Variants in ST3GAL3 observed in about 807,000 individuals in gnomAD.
The protein encoded by ST3GAL3 is CMP-N-acetylneuraminate-beta-1,4-galactoside alpha-2,3-sialyltransferase.
Under a neutral mutation model 50.1 loss-of-function variants are expected in ST3GAL3, and 21 were observed. The observed-to-expected ratio is 0.42, with a 90% CI of 0.30 to 0.60. The LOEUF (loss-of-function observed/expected upper bound fraction) is 0.60, where lower values mean the gene tolerates loss of function less well. Ranked by LOEUF, ST3GAL3 falls within the 20% of genes least tolerant of loss-of-function variation. The probability of loss-of-function intolerance (pLI) is 0.19; values close to 1 mark genes in which losing one functional copy is unlikely to be tolerated. For missense variants in ST3GAL3, 353 were observed against 489.4 expected (o/e 0.72, Z 2.63); for synonymous variants, 183 against 190.0 (o/e 0.96, Z 0.30).
intron 2 of ST3GAL3, among the ~76,000 whole-genome samples, chr1:43,750,449 A>G (rs1235426061): frequency 6.6e-6 from 1 of 152,230 alleles, no homozygotes; most frequent in Non-Finnish European, 1.5e-5. Flanking sequence ...AAACAAATAT[A>G]CACCTTAGAC....
chr1:43,860,167 G>A (rs975037725), intron 5 of ST3GAL3, among the ~76,000 whole-genome samples: 1 of 152,194 alleles, frequency 6.6e-6, no homozygotes, highest in Non-Finnish European at 1.5e-5. Flanking sequence ...TGGGCCTCCT[G>A]ATGGAAAGAA....
chr1:43,765,766 TGTGTGTGTGTGTGTGTGTGCGC>T (rs1435396298), intron 2 of ST3GAL3, among the ~76,000 whole-genome samples: 4 of 140,914 alleles, frequency 2.8e-5, no homozygotes, highest in African/African-American at 3.0e-5. Context: ...TGTGTGTGTG[TGTGTGTGTGTGTGTGTGTGCGC>T]GCGCGCGCGC....
chr1:43,920,353 C>T (rs775533381), intron 9 of ST3GAL3, 51 bp from the exon 10 acceptor site: 33 of 1,613,260 alleles, frequency 2.0e-5, no homozygotes, highest in Non-Finnish European at 2.6e-5. Context: ...CTCCCCTAGG[C>T]TCATCCCTTG....
intron 2 of ST3GAL3, chr1:43,738,109 AAGAG>A (rs944056902): frequency 2.0e-5 from 3 of 152,186 alleles, no homozygotes; most frequent in Non-Finnish European, 4.4e-5. Flanking sequence ...ACCTGGTAAA[AAGAG>A]AGAGAGAAAG....
At chr1:43,759,263 G>T (rs929760621) in intron 2 of ST3GAL3, among the ~76,000 whole-genome samples, 1 of 151,218 alleles carries the variant, frequency 6.6e-6, no homozygotes, top group East Asian at 2.0e-4. Flanking sequence ...GGCCAACATG[G>T]TGAAACTCCA....
At chr1:43,748,131 T>A (rs546735708) in intron 2 of ST3GAL3, among the ~76,000 whole-genome samples, 67 of 152,214 alleles carry the variant, frequency 4.4e-4, no homozygotes, top group African/African-American at 1.4e-3. Context: ...AAACCAAATA[T>A]ATATTTCTTA....
intron 5 of ST3GAL3, among the ~76,000 whole-genome samples, chr1:43,849,435 T>TA (rs1433229633): frequency 6.6e-6 from 1 of 152,206 alleles, no homozygotes; most frequent in Non-Finnish European, 1.5e-5. Context: ...TTTAAGAAAT[T>TA]AGTTTGAGTT....
intron 2 of ST3GAL3, among the ~76,000 whole-genome samples, chr1:43,788,015 A>G (rs1347919246): frequency 1.3e-5 from 2 of 152,234 alleles, no homozygotes. Context: ...CATTGGTACC[A>G]GTGAGTTGGA....
intron 2 of ST3GAL3, among the ~76,000 whole-genome samples, chr1:43,791,523 T>C (rs929569237): frequency 1.3e-5 from 2 of 152,242 alleles, no homozygotes; most frequent in South Asian, 4.1e-4. Flanking sequence ...CAGGCCCTGA[T>C]TCTGCCTGCG....
At chr1:43,917,625 T>TATATAATATATA (rs57574711) in intron 9 of ST3GAL3, among the ~76,000 whole-genome samples, 5 of 68,150 alleles carry the variant, frequency 7.3e-5, no homozygotes, top group Admixed American at 5.6e-4. Flanking sequence ...TATTATATTA[T>TATATAATATATA]ATATAATATA....
At chr1:43,786,091 C>T (rs1231703845) in intron 2 of ST3GAL3, among the ~76,000 whole-genome samples, 3 of 152,090 alleles carry the variant, frequency 2.0e-5, no homozygotes, top group African/African-American at 7.2e-5. Flanking sequence ...TCAGTTCTCA[C>T]CCAGAGGGTT....
At position 43,899,512 on chromosome 1, in the gene ST3GAL3, C is replaced by T; in HGVS notation, c.558-29C>T. On this transcript the variant is annotated intron_variant, in intron 8 of 11. Coordinates refer to ENST00000347631, the MANE Select transcript of ST3GAL3 (RefSeq NM_006279.5). The surrounding 1 kb of genome is among the most constrained non-coding windows in gnomAD (Gnocchi z 5.4). ...CATGGTGCCTTCCCAAACACAGGCC[C>T]AGGCTCTGAGTGGGCCTGCTCTCTG... 1 of 1,609,870 alleles carries T rather than the reference C, an allele frequency of 6.2e-7. No homozygotes were observed. The highest frequency in any genetic ancestry group is 1.1e-5 in the South Asian group (1 of 91,078).
At chr1:43,777,858 A>G (rs1697863294) in intron 2 of ST3GAL3, among the ~76,000 whole-genome samples, 1 of 152,206 alleles carries the variant, frequency 6.6e-6, no homozygotes, top group Admixed American at 6.5e-5. Flanking sequence ...ACCATTGTGG[A>G]AGACAGTGTG....
At chr1:43,831,127 G>C (rs1368763376) in intron 4 of ST3GAL3, among the ~76,000 whole-genome samples, 1 of 152,240 alleles carries the variant, frequency 6.6e-6, no homozygotes, top group Non-Finnish European at 1.5e-5. Flanking sequence ...TGCACACCTA[G>C]TAAGTAGAAC....
chr1:43,884,699 G>A (rs775482685), intron 5 of ST3GAL3, among the ~76,000 whole-genome samples: 11 of 152,218 alleles, frequency 7.2e-5, no homozygotes, highest in Non-Finnish European at 1.2e-4. Flanking sequence ...GTGGTCCCTG[G>A]TCTAAGAACT....
chr1:43,731,838 A>G (rs960549234), intron 1 of ST3GAL3, among the ~76,000 whole-genome samples: 1 of 151,606 alleles, frequency 6.6e-6, no homozygotes. Flanking sequence ...GGCCCTGACT[A>G]ATTTTTAAAA....
intron 2 of ST3GAL3, among the ~76,000 whole-genome samples, chr1:43,778,069 CA>C (rs1697954075): frequency 6.6e-6 from 1 of 152,142 alleles, no homozygotes; most frequent in African/African-American, 2.4e-5. Flanking sequence ...AAATGTGGTA[CA>C]TATACACCAT....
At chr1:43,851,271 T>C (rs1283500269) in intron 5 of ST3GAL3, 8 of 1,580,884 alleles carry the variant, frequency 5.1e-6, no homozygotes, top group Non-Finnish European at 7.0e-6. Flanking sequence ...ATTTTCTTCT[T>C]GTCTGTCATG....
At chr1:43,893,918 C>T (rs1478070058) in intron 5 of ST3GAL3, among the ~76,000 whole-genome samples, 1 of 152,200 alleles carries the variant, frequency 6.6e-6, no homozygotes, top group Non-Finnish European at 1.5e-5. Flanking sequence ...CCTTCTTCCT[C>T]ACTGTGGGTG....
Sources: gnomAD v4.1 joint callset for allele counts (sites outside exome capture counted in the v4.1 genomes callset) on GRCh38, gnomAD v4.1.1 for gene constraint, Gnocchi (gnomAD v3.1) non-coding constraint, MANE v1.5 for transcripts, NCBI Gene and HGNC (gene_info 2026-07-23, HGNC 2026-07-21) for gene names.